Variants in PGBD5 observed in about 807,000 individuals in gnomAD.
PGBD5 encodes piggyBac transposable element derived 5.
In PGBD5, 14 loss-of-function variants were observed where a neutral mutation model predicts 47.9. That is an observed-to-expected ratio of 0.29 (90% CI 0.19 to 0.46). The LOEUF is 0.46. Ranked by LOEUF, PGBD5 falls within the 20% of genes least tolerant of loss-of-function variation. PGBD5 has a pLI of 1.00. For synonymous variants in PGBD5, 316 were observed against 306.3 expected, an observed-to-expected ratio of 1.03 and a Z score of -0.33; for missense variants, 635 against 716.0, an observed-to-expected ratio of 0.89 and a Z score of 1.29.
intron 5 of PGBD5, among the ~76,000 whole-genome samples, chr1:230,329,069 C>G (rs1188616928): frequency 6.6e-6 from 1 of 151,906 alleles, no homozygotes; most frequent in Admixed American, 6.5e-5. Flanking sequence ...CCAACCCCCA[C>G]CCCCCAGTAG....
intron 1 of PGBD5, among the ~76,000 whole-genome samples, chr1:230,377,325 G>A (rs1668028665): frequency 6.6e-6 from 1 of 152,204 alleles, no homozygotes; most frequent in African/African-American, 2.4e-5. Context: ...GGTGAGCAGT[G>A]ACTGTCATAG....
chr1:230,388,339 C>T (rs888107324), intron 1 of PGBD5, among the ~76,000 whole-genome samples: 6 of 152,118 alleles, frequency 3.9e-5, no homozygotes, highest in Admixed American at 3.9e-4. Context: ...ACAGGCACTG[C>T]CCCCTCACTC....
chr1:230,340,191 T>C (rs1308997073), intron 3 of PGBD5, among the ~76,000 whole-genome samples: 3 of 152,202 alleles, frequency 2.0e-5, no homozygotes, highest in Admixed American at 1.3e-4. Flanking sequence ...TTTTAGGAAT[T>C]CAATCCAAGG....
rs1667074299 is a variant in PGBD5, at chr1:230,323,756, C to A, written c.1380-136G>T. ...GACAGAAGCAGGAGGGCTATGGGGG[C>A]AGGAGTCAGGCTTGGGATGTTAGGT... On this transcript the variant is annotated intron_variant, in intron 6 of 6. Transcript: ENST00000391860. The surrounding 1 kb of genome is among the most constrained non-coding windows in gnomAD (Gnocchi z 4.1). 2 of 773,916 alleles carry A rather than the reference C, an allele frequency of 2.6e-6. No homozygotes were observed. Among genetic ancestry groups the A allele is most frequent in the Middle Eastern group, 3.7e-4 (1 of 2,736 alleles). The allele number at this position is 773,916 out of a possible 1,614,324, so 47.9% of individuals were successfully genotyped here.
rs1478799756 is a variant in PGBD5 at position 230,319,830 on chromosome 1, CGTT to C, written c.*3592_*3594del. The C allele has an allele frequency of 5.5e-5, 8 of 145,454 alleles. No individual in the cohort carries two copies. Among genetic ancestry groups the C allele is most frequent in the African/African-American group, 7.7e-5 (3 of 39,022 alleles). The allele number at this position is 145,454 out of a possible 1,614,324, so 9.0% of individuals were successfully genotyped here. A position where few individuals can be genotyped will look rare whatever the true frequency, so the allele number is the denominator to read the frequency against. On this transcript the variant is annotated 3_prime_UTR_variant, in exon 7 of 7. Transcript: ENST00000391860. ...TAATGTCCCATGGACCACGGGAAGACGTTGTTCAAACTCGAGGCTTTTTTTTTT... is the reference window on the plus strand; with the variant it reads ...TAATGTCCCATGGACCACGGGAAGACGTTCAAACTCGAGGCTTTTTTTTTT...
chr1:230,393,642 G>A (rs893741661), intron 1 of PGBD5, among the ~76,000 whole-genome samples: 4 of 151,982 alleles, frequency 2.6e-5, no homozygotes, highest in Non-Finnish European at 5.9e-5. Flanking sequence ...TCGAGACCAC[G>A]GTGAAACCCC....
At chr1:230,335,846 G>GACATACAC (rs1667313637) in intron 4 of PGBD5, among the ~76,000 whole-genome samples, 1 of 99,670 alleles carries the variant, frequency 1.0e-5, no homozygotes, top group African/African-American at 3.4e-5. Flanking sequence ...TACACACACA[G>GACATACAC]ACACACAGAT....
chr1:230,327,007 T>A (rs796731462), intron 5 of PGBD5, among the ~76,000 whole-genome samples: 11 of 152,178 alleles, frequency 7.2e-5, no homozygotes, highest in African/African-American at 2.2e-4. Context: ...TGAGCCCTCC[T>A]TGCCCCGCTG....
chr1:230,351,296 A>G (rs562713459), intron 2 of PGBD5, among the ~76,000 whole-genome samples: 10 of 152,366 alleles, frequency 6.6e-5, no homozygotes, highest in African/African-American at 2.2e-4. Flanking sequence ...GGATGCAGTA[A>G]GAAAGGATTC....
At chr1:230,420,067 AGTGCACCAAGATT>A (rs1475868856) in intron 1 of PGBD5, among the ~76,000 whole-genome samples, 1 of 152,202 alleles carries the variant, frequency 6.6e-6, no homozygotes, top group Admixed American at 6.5e-5. Context: ...CAAAGGTTGC[AGTGCACCAAGATT>A]GTGCCATTGC....
At chr1:230,388,809 G>A (rs1656715152) in intron 1 of PGBD5, among the ~76,000 whole-genome samples, 1 of 152,178 alleles carries the variant, frequency 6.6e-6, no homozygotes, top group Non-Finnish European at 1.5e-5. Flanking sequence ...TACCTCTCAG[G>A]GTGGCCATGA....
rs564376371 is a variant in PGBD5, at chr1:230,376,125, C to A, written c.332-18804G>T. Among the ~76,000 whole-genome samples the A allele has an allele frequency of 5.3e-5, 8 of 152,142 alleles. No individual in the cohort carries two copies. The East Asian group carries it at 1.5e-3, about 29-fold the overall frequency. ...AAGCGTGGGCAGAGTCACAGGGTGT[C>A]CAAGGTGGGATGCGTGGAGTCCTTC... On this transcript the variant is annotated intron_variant, in intron 1 of 6. Coordinates refer to ENST00000391860, the MANE Select transcript of PGBD5 (RefSeq NM_001258311.2).
intron 1 of PGBD5, among the ~76,000 whole-genome samples, chr1:230,379,605 C>T (rs529738623): frequency 6.6e-6 from 1 of 152,238 alleles, no homozygotes; most frequent in African/African-American, 2.4e-5. Context: ...GCCCTTCAGG[C>T]CTCCTTGCTC....
chr1:230,361,675 AG>A (rs1209920666), intron 1 of PGBD5, among the ~76,000 whole-genome samples: 1 of 152,224 alleles, frequency 6.6e-6, no homozygotes, highest in African/African-American at 2.4e-5. Flanking sequence ...TTGTAACACA[AG>A]GGCAATTATG....
intron 4 of PGBD5, among the ~76,000 whole-genome samples, chr1:230,336,792 G>A (rs1478638446): frequency 6.6e-6 from 1 of 151,468 alleles, no homozygotes; most frequent in East Asian, 2.0e-4. Context: ...GCTGTGTCCA[G>A]GGGACGCAGG....
At position 230,314,767 on chromosome 1, in the gene PGBD5, T is replaced by G. The variant is rs557554918; in HGVS notation, c.*8658A>C. The G allele has an allele frequency of 2.0e-5, 3 of 152,220 alleles. No individual in the cohort carries two copies. The highest frequency in any genetic ancestry group is 2.0e-4 in the Admixed American group (3 of 15,288). 9.4% of individuals were successfully genotyped at this position (152,220 alleles called of 1,614,324 possible). On this transcript the variant is annotated 3_prime_UTR_variant, in exon 7 of 7. Transcript: ENST00000391860. ...ACCAAATGGGGGTGCAGCTGTGTGATATCTGTGCAGTTTGTGATAAAATTA... is the reference window on the plus strand; with the variant it reads ...ACCAAATGGGGGTGCAGCTGTGTGAGATCTGTGCAGTTTGTGATAAAATTA...
chr1:230,330,646 T>C (rs1456443318), intron 5 of PGBD5, among the ~76,000 whole-genome samples: 1 of 152,222 alleles, frequency 6.6e-6, no homozygotes, highest in African/African-American at 2.4e-5. Flanking sequence ...CACCCAGGTC[T>C]GTGCCCACCT....
Position 230,371,851 on chromosome 1 carries a change from G to T in PGBD5, c.332-14530C>A, listed in dbSNP as rs530100125. Among the ~76,000 whole-genome samples, 5 of 152,298 alleles carry T rather than the reference G, an allele frequency of 3.3e-5. No individual in the cohort carries two copies. The East Asian group carries it at 9.7e-4, about 29-fold the overall frequency. ...TGGGTTTGAATCATGATTCCTTCCC[G>T]CATGATGCTGCCCTACCGCGGAAGC... is the stretch of plus-strand genomic sequence containing the variant. On this transcript the variant is annotated intron_variant, in intron 1 of 6. Coordinates refer to ENST00000391860, the MANE Select transcript of PGBD5 (RefSeq NM_001258311.2).
At chr1:230,424,097 C>T (rs1657717937) in intron 1 of PGBD5, among the ~76,000 whole-genome samples, 1 of 152,202 alleles carries the variant, frequency 6.6e-6, no homozygotes, top group African/African-American at 2.4e-5. Context: ...CAGAGACTTG[C>T]TGTGCAGTCC....
Sources: gnomAD v4.1 joint callset for allele counts (sites outside exome capture counted in the v4.1 genomes callset) on GRCh38, gnomAD v4.1.1 for gene constraint, Gnocchi (gnomAD v3.1) non-coding constraint, MANE v1.5 for transcripts, NCBI Gene and HGNC (gene_info 2026-07-23, HGNC 2026-07-21) for gene names.